The following LRRIQ3 variants were observed in gnomAD, a reference collection of about 807,000 sequenced individuals.
LRRIQ3 encodes leucine-rich repeat and IQ domain-containing protein 3.
LRRIQ3 carries 75 observed loss-of-function variants against 59.3 expected under a neutral mutation model. That is an observed-to-expected ratio of 1.26 (90% CI 1.05 to 1.53). The LOEUF (loss-of-function observed/expected upper bound fraction) is 1.53. Ranked by LOEUF, LRRIQ3 falls within the 40% of genes most tolerant of loss-of-function variation. The pLI, the probability that LRRIQ3 is intolerant of heterozygous loss-of-function variation, is 0.00. For missense variants in LRRIQ3, 831 were observed against 710.0 expected (o/e 1.17, Z -1.94); for synonymous variants, 250 against 231.3 (o/e 1.08, Z -0.73).
At chr1:74,050,073 A>G (rs1333625924) in intron 6 of LRRIQ3, among the ~76,000 whole-genome samples, 2 of 151,658 alleles carry the variant, frequency 1.3e-5, no homozygotes, top group African/African-American at 4.8e-5. Flanking sequence ...ACAGGCACAC[A>G]CCACCATACC....
chr1:74,031,582 A>T (rs1187804408), intron 7 of LRRIQ3, among the ~76,000 whole-genome samples: 3 of 142,108 alleles, frequency 2.1e-5, no homozygotes, highest in Admixed American at 7.0e-5. Flanking sequence ...TGAACACAGG[A>T]AGGGGAACAT....
At chr1:74,048,451 T>A (rs1444676309) in intron 6 of LRRIQ3, among the ~76,000 whole-genome samples, 1 of 152,158 alleles carries the variant, frequency 6.6e-6, no homozygotes, top group East Asian at 1.9e-4. Flanking sequence ...CAGATAACAA[T>A]TTCCCCCATA....
chr1:74,062,170 G>C (rs2100446724), intron 6 of LRRIQ3, among the ~76,000 whole-genome samples: 1 of 152,072 alleles, frequency 6.6e-6, no homozygotes, highest in South Asian at 2.1e-4. Context: ...ATCCAACAAA[G>C]GTCTAGTATC....
intron 5 of LRRIQ3, among the ~76,000 whole-genome samples, chr1:74,105,972 G>T (rs1017633830): frequency 6.6e-6 from 1 of 151,940 alleles, no homozygotes; most frequent in African/African-American, 2.4e-5. Flanking sequence ...TGAACATTCA[G>T]TATGTTAGAA....
At chr1:74,088,362 A>T (rs2100511409) in intron 5 of LRRIQ3, among the ~76,000 whole-genome samples, 1 of 152,288 alleles carries the variant, frequency 6.6e-6, no homozygotes, top group Non-Finnish European at 1.5e-5. Flanking sequence ...AATATTAAGC[A>T]TAAAACAATA....
chr1:74,188,719 G>C (rs947009120), intron 1 of LRRIQ3, among the ~76,000 whole-genome samples: 1 of 152,080 alleles, frequency 6.6e-6, no homozygotes, highest in Non-Finnish European at 1.5e-5. Flanking sequence ...AACTAGAACT[G>C]AGTCAGGTTT....
chr1:74,030,631 A>C lies in LRRIQ3; in HGVS notation c.1719-3662T>G, dbSNP rs1229830413. Among the ~76,000 whole-genome samples, 11 of 152,154 alleles carry C rather than the reference A, an allele frequency of 7.2e-5. No individual in the cohort carries two copies. In the East Asian group the frequency reaches 7.7e-4, roughly 11 times the overall value. On this transcript the variant is annotated intron_variant, in intron 7 of 7. Coordinates refer to ENST00000354431, the MANE Select transcript of LRRIQ3 (RefSeq NM_001105659.2). ...TAATTCAAGATGGATTAAAGACTTAAATGTTAGACCTAAAACCATAAAAAC... is the reference window on the plus strand; with the variant it reads ...TAATTCAAGATGGATTAAAGACTTACATGTTAGACCTAAAACCATAAAAAC...
chr1:74,167,747 C>T (rs538502320), intron 3 of LRRIQ3, among the ~76,000 whole-genome samples: 5 of 151,798 alleles, frequency 3.3e-5, no homozygotes, highest in African/African-American at 1.2e-4. Flanking sequence ...ACCTGTTCCA[C>T]AAAAACCTAT....
intron 5 of LRRIQ3, among the ~76,000 whole-genome samples, chr1:74,079,993 G>A (rs761292861): frequency 6.6e-6 from 1 of 151,628 alleles, no homozygotes; most frequent in Non-Finnish European, 1.5e-5. Context: ...TTTATAAACT[G>A]TTTATCACGA....
intron 4 of LRRIQ3, among the ~76,000 whole-genome samples, chr1:74,116,200 A>G (rs1374775003): frequency 6.6e-6 from 1 of 152,020 alleles, no homozygotes; most frequent in African/African-American, 2.4e-5. Flanking sequence ...AGAGAATACC[A>G]AAAGAATAAA....
chr1:74,076,655 C>T (rs1382713565), intron 5 of LRRIQ3, among the ~76,000 whole-genome samples: 1 of 151,750 alleles, frequency 6.6e-6, no homozygotes, highest in East Asian at 1.9e-4. Flanking sequence ...TGCCTTGGTC[C>T]CCTGTATTTA....
chr1:74,173,714 A>G (rs935491189), intron 3 of LRRIQ3, among the ~76,000 whole-genome samples: 30 of 152,068 alleles, frequency 2.0e-4, no homozygotes, highest in African/African-American at 6.3e-4. Flanking sequence ...TTTTGTTTCA[A>G]TTGAAACAAT....
rs1185200188 is a variant in LRRIQ3 at position 74,183,700 on chromosome 1, A to G, written c.1-16T>C. ...CATGAAACATCTAGGAAAGATAAGA[A>G]AGTGCTTTGATTTTTTTTTCCACTT... is the stretch of plus-strand genomic sequence containing the variant. On this transcript the variant is annotated splice_polypyrimidine_tract_variant and intron_variant, in intron 1 of 7. Coordinates refer to ENST00000354431, the MANE Select transcript of LRRIQ3 (RefSeq NM_001105659.2). The G allele has an allele frequency of 7.0e-7, 1 of 1,430,660 alleles. No homozygotes were observed. Among genetic ancestry groups the G allele is most frequent in the Non-Finnish European group, 9.2e-7 (1 of 1,084,694 alleles). 88.6% of individuals were successfully genotyped at this position (1,430,660 alleles called of 1,614,324 possible).
intron 1 of LRRIQ3, among the ~76,000 whole-genome samples, chr1:74,188,161 G>A (rs1171280755): frequency 6.6e-6 from 1 of 152,112 alleles, no homozygotes; most frequent in East Asian, 1.9e-4. Flanking sequence ...GCAAAAAAAT[G>A]CAGGGATAGA....
rs1462082289 is a variant in LRRIQ3, at chr1:74,080,560, G to C, written c.868-5770C>G. Among the ~76,000 whole-genome samples the C allele has an allele frequency of 2.0e-5, 3 of 151,614 alleles. No individual in the cohort carries two copies. In the South Asian group the frequency reaches 6.2e-4, roughly 32 times the overall value. ...GAACTCTGCTGTCTTTCAAATTCAAGGTGCATTTTCAACCCTTCCTAGTTT... is the reference window on the plus strand; with the variant it reads ...GAACTCTGCTGTCTTTCAAATTCAACGTGCATTTTCAACCCTTCCTAGTTT... On this transcript the variant is annotated intron_variant, in intron 5 of 7. Coordinates refer to ENST00000354431, the MANE Select transcript of LRRIQ3 (RefSeq NM_001105659.2).
chr1:74,074,817 CAA>C (rs780955007), intron 5 of LRRIQ3, 27 bp from the exon 6 acceptor site: 6 of 1,130,904 alleles, frequency 5.3e-6, no homozygotes, highest in Non-Finnish European at 7.2e-6. Flanking sequence ...AAAGCAATGA[CAA>C]TGATAATATC....
intron 7 of LRRIQ3, among the ~76,000 whole-genome samples, chr1:74,036,846 C>T (rs541867440): frequency 5.3e-5 from 8 of 152,214 alleles, no homozygotes; most frequent in African/African-American, 1.9e-4. Context: ...ATGTGCAGGG[C>T]AAATTTACTG....
chr1:74,041,355 T>G lies in LRRIQ3; in HGVS notation c.1576A>C (p.Thr526Pro), dbSNP rs939555038. ...TTAAGTAGTCCTCTGGTCAAAAGAG[T>G]GCGCTCATTATTTAAGTTTTGAACT... ...LLVQNLNNERTLLTRGLLKID... is the reference protein window; with the variant it reads ...LLVQNLNNERPLLTRGLLKID... Residue 526 changes from threonine to proline, a missense_variant, in exon 7 of 8, where the codon ACT becomes CCT. Transcript: ENST00000354431. 23 of 1,613,836 alleles carry G rather than the reference T, an allele frequency of 1.4e-5. No individual in the cohort carries two copies. Among genetic ancestry groups the G allele is most frequent in the Non-Finnish European group, 1.9e-5 (22 of 1,179,876 alleles).
intron 6 of LRRIQ3, among the ~76,000 whole-genome samples, chr1:74,052,927 A>C (rs1654410672): frequency 1.3e-5 from 2 of 152,154 alleles, no homozygotes; most frequent in Admixed American, 1.3e-4. Flanking sequence ...TTTAAAAATA[A>C]CATCTTCTTT....
Sources: gnomAD v4.1 joint callset for allele counts (sites outside exome capture counted in the v4.1 genomes callset) on GRCh38, gnomAD v4.1.1 for gene constraint, MANE v1.5 for transcripts, NCBI Gene and HGNC (gene_info 2026-07-23, HGNC 2026-07-21) for gene names.